The following RAPGEF5 variants were observed in gnomAD, a reference collection of about 807,000 sequenced individuals.
RAPGEF5 encodes M-Ras-regulated GEF.
Under a neutral mutation model 125.2 loss-of-function variants are expected in RAPGEF5, and 65 were observed. That is an observed-to-expected ratio of 0.52 (90% CI 0.43 to 0.64). The LOEUF (loss-of-function observed/expected upper bound fraction) is 0.64. RAPGEF5 is among the 30% of genes least tolerant of loss of function. The pLI, the probability that RAPGEF5 is intolerant of heterozygous loss-of-function variation, is 0.00. For missense variants in RAPGEF5, 958 were observed against 1,048.1 expected, an observed-to-expected ratio of 0.91 and a Z score of 1.19; for synonymous variants, 391 against 385.9, an observed-to-expected ratio of 1.01 and a Z score of -0.16.
At chr7:22,139,458 A>G (rs1030570464) in intron 21 of RAPGEF5, among the ~76,000 whole-genome samples, 5 of 152,230 alleles carry the variant, frequency 3.3e-5, no homozygotes, top group African/African-American at 1.2e-4. Context: ...GTCTTCCCAC[A>G]TGAATGTCGC....
rs558901546 is a variant in RAPGEF5 at position 22,143,350 on chromosome 7, T to C, written c.2186+1694A>G. 6.8e-4 allele frequency among the ~76,000 whole-genome samples: 103 copies of C among 152,304 alleles called. 1 individual carries two copies. In the South Asian group the frequency reaches 0.021, roughly 31 times the overall value. On this transcript the variant is annotated intron_variant, in intron 20 of 25. Transcript: ENST00000665637. ...AATTATCCTACTCTTGGGGTCTCTT[T>C]GCTACAGTTCAACGTGCTAGTTTCA...
chr7:22,306,765 T>C (rs1783352184), intron 5 of RAPGEF5, among the ~76,000 whole-genome samples: 1 of 152,222 alleles, frequency 6.6e-6, no homozygotes, highest in South Asian at 2.1e-4. Context: ...TTCATTCTTC[T>C]GCATGTGGAT....
chr7:22,181,921 A>G (rs1291376520), intron 11 of RAPGEF5, among the ~76,000 whole-genome samples: 3 of 152,222 alleles, frequency 2.0e-5, no homozygotes, highest in African/African-American at 7.2e-5. Flanking sequence ...ATTCTCCCAC[A>G]CAAAGAATAT....
At chr7:22,326,743 A>G (rs1783821244) in intron 1 of RAPGEF5, among the ~76,000 whole-genome samples, 1 of 152,248 alleles carries the variant, frequency 6.6e-6, no homozygotes, top group Non-Finnish European at 1.5e-5. Flanking sequence ...AACAAAAAGT[A>G]GAAGTACTAG....
intron 5 of RAPGEF5, among the ~76,000 whole-genome samples, chr7:22,299,990 C>T (rs1239157179): frequency 6.6e-6 from 1 of 152,160 alleles, no homozygotes; most frequent in African/African-American, 2.4e-5. Flanking sequence ...TTGGGGTTCA[C>T]TGGACCTCTT....
intron 7 of RAPGEF5, among the ~76,000 whole-genome samples, chr7:22,249,957 T>C (rs892040726): frequency 1.3e-5 from 2 of 152,220 alleles, no homozygotes; most frequent in African/African-American, 4.8e-5. Context: ...CTATGCAAAT[T>C]AAATTTGACG....
At chr7:22,256,530 C>CTTTTTTTTTTTT (rs1343571820) in intron 7 of RAPGEF5, among the ~76,000 whole-genome samples, 382 of 152,264 alleles carry the variant, frequency 2.5e-3, no homozygotes, top group Admixed American at 5.8e-3. Context: ...AAAACAGAGC[C>CTTTTTTTTTTTT]TGGAGGTCCT....
At chr7:22,273,352 G>T (rs4722122) in intron 6 of RAPGEF5, among the ~76,000 whole-genome samples, 22,762 of 151,350 alleles carry the variant, frequency 0.15, 1,745 homozygotes, top group South Asian at 0.23. Flanking sequence ...CTGAGTAGCT[G>T]GGACTACAGG....
chr7:22,273,664 C>T (rs1325597402), intron 6 of RAPGEF5, among the ~76,000 whole-genome samples: 1 of 152,174 alleles, frequency 6.6e-6, no homozygotes, highest in Non-Finnish European at 1.5e-5. Context: ...CTGGAATAGT[C>T]TTCTACGATT....
intron 5 of RAPGEF5, among the ~76,000 whole-genome samples, chr7:22,306,333 C>A (rs891525060): frequency 2.0e-5 from 3 of 152,110 alleles, no homozygotes; most frequent in African/African-American, 7.2e-5. Context: ...GTGCTGAACA[C>A]CTTTTCATAA....
intron 20 of RAPGEF5, among the ~76,000 whole-genome samples, chr7:22,142,410 TA>T (rs1783292233): frequency 6.6e-6 from 1 of 152,208 alleles, no homozygotes; most frequent in Admixed American, 6.5e-5. Flanking sequence ...TTATTGAGCT[TA>T]ATTTATCTAT....
chr7:22,200,767 A>G (rs1337021777), intron 9 of RAPGEF5, among the ~76,000 whole-genome samples: 3 of 152,220 alleles, frequency 2.0e-5, no homozygotes, highest in African/African-American at 7.2e-5. Flanking sequence ...CATACAAAAC[A>G]ACTTGTCTAA....
rs185544485 is a variant in RAPGEF5 at position 22,308,284 on chromosome 7, T to C, written c.680+55A>G. On this transcript the variant is annotated intron_variant, in intron 5 of 25. Transcript: ENST00000665637. ...AAGAGCAGAATATAGTCCCTAGACA[T>C]GGTAAATGTTGTCTAAGTGTAAGAA... 4.1e-5 allele frequency: 61 copies of C among 1,470,374 alleles called. No individual in the cohort carries two copies. The Admixed American group carries it at 1.1e-3, about 27-fold the overall frequency. 91.1% of individuals were successfully genotyped at this position (1,470,374 alleles called of 1,614,324 possible).
chr7:22,188,131 A>C (rs1784878624), intron 11 of RAPGEF5, among the ~76,000 whole-genome samples: 1 of 152,208 alleles, frequency 6.6e-6, no homozygotes, highest in African/African-American at 2.4e-5. Flanking sequence ...CGCCATCTAA[A>C]TATTTACCTA....
chr7:22,307,725 T>C (rs1014118610), intron 5 of RAPGEF5, among the ~76,000 whole-genome samples: 2 of 152,188 alleles, frequency 1.3e-5, no homozygotes, highest in Admixed American at 1.3e-4. Context: ...GACACTGAAG[T>C]GTTCTGCATA....
chr7:22,140,164 C>G, intron 20 of RAPGEF5, 49 bp from the exon 21 acceptor site: 2 of 1,470,808 alleles, frequency 1.4e-6, no homozygotes, highest in East Asian at 2.5e-5. Context: ...CATTCTTTCC[C>G]CAGATAATCA....
chr7:22,341,327 T>C (rs1784125367), intron 1 of RAPGEF5, among the ~76,000 whole-genome samples: 1 of 152,134 alleles, frequency 6.6e-6, no homozygotes, highest in Non-Finnish European at 1.5e-5. Flanking sequence ...TGTGATTCAA[T>C]TACCTCCCAC....
In RAPGEF5 at chr7:22,205,612, T is replaced by G. The variant is rs138826382; in HGVS notation, c.997-11579A>C. ...AATCTGCATGTTTTAAAAACAGTAATTTGGAGCTAGGCTGTGGGTAGCAGC... is the reference window on the plus strand; with the variant it reads ...AATCTGCATGTTTTAAAAACAGTAAGTTGGAGCTAGGCTGTGGGTAGCAGC... On this transcript the variant is annotated intron_variant, in intron 9 of 25. Transcript: ENST00000665637. 2.4e-3 allele frequency among the ~76,000 whole-genome samples: 363 copies of G among 152,326 alleles called. 10 individuals are homozygous for G. The East Asian group carries it at 0.056, about 24-fold the overall frequency.
intron 9 of RAPGEF5, among the ~76,000 whole-genome samples, chr7:22,214,729 C>T (rs1348761694): frequency 6.9e-6 from 1 of 144,514 alleles, no homozygotes; most frequent in African/African-American, 2.6e-5. Context: ...CTGTCTCTGT[C>T]CTCCAGAGCT....
Sources: allele counts gnomAD v4.1 joint callset (sites outside exome capture counted in the v4.1 genomes callset), GRCh38; gene constraint gnomAD v4.1.1; transcripts MANE v1.5; gene names NCBI Gene and HGNC (gene_info 2026-07-23, HGNC 2026-07-21).